The following NELL1 variants were observed in gnomAD, a reference collection of about 807,000 sequenced individuals.
NELL1 encodes the protein neural EGFL like 1.
NELL1 carries 76 observed loss-of-function variants against 107.4 expected under a neutral mutation model. The observed-to-expected ratio is 0.71, with a 90% CI of 0.59 to 0.86. The LOEUF is 0.86. Ranked by LOEUF, NELL1 falls within the 40% of genes least tolerant of loss-of-function variation. The probability of loss-of-function intolerance (pLI) is 0.00; values close to 1 mark genes in which losing one functional copy is unlikely to be tolerated. For missense variants in NELL1, 1,024 were observed against 1,005.5 expected, an observed-to-expected ratio of 1.02 and a Z score of -0.25; for synonymous variants, 353 against 341.2, an observed-to-expected ratio of 1.03 and a Z score of -0.38.
chr11:21,282,518 A>C (rs551257549), intron 14 of NELL1, among the ~76,000 whole-genome samples: 2 of 151,438 alleles, frequency 1.3e-5, no homozygotes, highest in African/African-American at 4.8e-5. Context: ...GCAAAAGATC[A>C]GCAATAAGAT....
intron 12 of NELL1, among the ~76,000 whole-genome samples, chr11:20,961,958 A>G (rs1286083670): frequency 2.0e-5 from 3 of 151,704 alleles, no homozygotes; most frequent in East Asian, 3.9e-4. Flanking sequence ...CCTTGTAGGA[A>G]CCCTCTGTTT....
rs76751123 is a variant in NELL1, at chr11:21,503,280, A to G, written c.1646-31094A>G. On this transcript the variant is annotated intron_variant, in intron 15 of 19. Coordinates refer to ENST00000357134, the MANE Select transcript of NELL1 (RefSeq NM_006157.5). The stretch of plus-strand genomic sequence containing the variant: ...TGAAAGAGGCAGGCATAAGTATGAA[A>G]AGAAGTTCAGTGTTATGCTATCTGT... 0.017 allele frequency among the ~76,000 whole-genome samples: 2,546 copies of G among 152,322 alleles called. 196 individuals are homozygous for G. In the East Asian group the frequency reaches 0.26, roughly 16 times the overall value.
chr11:21,135,328 C>A (rs1855721538), intron 13 of NELL1, among the ~76,000 whole-genome samples: 1 of 152,082 alleles, frequency 6.6e-6, no homozygotes, highest in Admixed American at 6.6e-5. Context: ...ATAGACATGT[C>A]CTATGGATGT....
intron 13 of NELL1, among the ~76,000 whole-genome samples, chr11:21,115,742 G>T (rs544775902): frequency 4.6e-4 from 70 of 151,958 alleles, no homozygotes; most frequent in Non-Finnish European, 6.5e-4. Flanking sequence ...TTAGGATGTG[G>T]GGACCACAGA....
At chr11:21,290,381 A>C (rs866913845) in intron 14 of NELL1, among the ~76,000 whole-genome samples, 1 of 125,314 alleles carries the variant, frequency 8.0e-6, no homozygotes, top group East Asian at 2.2e-4. Context: ...AAAATAAATA[A>C]ATAAATAAAA....
intron 10 of NELL1, among the ~76,000 whole-genome samples, chr11:20,946,302 T>G (rs962120399): frequency 6.6e-6 from 1 of 152,134 alleles, no homozygotes; most frequent in Admixed American, 6.5e-5. Flanking sequence ...TTGAGCTTGC[T>G]TCCTGGTTGA....
chr11:20,793,108 G>A (rs1012032147), intron 3 of NELL1, among the ~76,000 whole-genome samples: 3 of 151,980 alleles, frequency 2.0e-5, no homozygotes, highest in Middle Eastern at 3.4e-3. Context: ...GGGCTGAAAA[G>A]TACAAAAAAT....
chr11:21,262,077 G>A (rs185152566), intron 14 of NELL1, among the ~76,000 whole-genome samples: 19 of 151,712 alleles, frequency 1.3e-4, no homozygotes, highest in Admixed American at 9.9e-4. Flanking sequence ...ATAGCTCTTC[G>A]TTCCTCTTGT....
At chr11:21,039,523 A>G (rs907298001) in intron 12 of NELL1, among the ~76,000 whole-genome samples, 1 of 152,128 alleles carries the variant, frequency 6.6e-6, no homozygotes, top group Non-Finnish European at 1.5e-5. Context: ...TTACTCTGTC[A>G]CAGAAAAGTT....
chr11:21,008,565 TG>T (rs1440523523), intron 12 of NELL1, among the ~76,000 whole-genome samples: 1 of 152,062 alleles, frequency 6.6e-6, no homozygotes, highest in African/African-American at 2.4e-5. Context: ...AATGAATGAA[TG>T]GGTAAGTAAT....
intron 17 of NELL1, among the ~76,000 whole-genome samples, chr11:21,566,389 C>G (rs1328954577): frequency 6.6e-6 from 1 of 151,632 alleles, no homozygotes; most frequent in Non-Finnish European, 1.5e-5. Context: ...ACTGACTATT[C>G]CATATTAAAA....
At chr11:20,978,522 T>C (rs558884479) in intron 12 of NELL1, among the ~76,000 whole-genome samples, 1 of 152,276 alleles carries the variant, frequency 6.6e-6, no homozygotes, top group Non-Finnish European at 1.5e-5. Flanking sequence ...TCTTTATGGG[T>C]CCTGAGGGAA....
chr11:20,918,249 A>T lies in NELL1; in HGVS notation c.671A>T (p.Asn224Ile), dbSNP rs1297797132. The T allele has an allele frequency of 6.4e-7, 1 of 1,557,938 alleles. No individual in the cohort carries two copies. The highest frequency in any genetic ancestry group is 2.2e-5 in the East Asian group (1 of 44,570). The change falls in exon 6 of 20, where the codon AAT becomes ATT. Residue 224 changes from asparagine to isoleucine, a missense_variant. By Grantham distance (149) the Asn-to-Ile change is moderately radical. Transcript: ENST00000357134. Reference sequence around the variant, plus strand: ...TATATAACACAGTGTCCAAATCTAAATCACAGTAAGTAGCAACTTAAAGCA... The same window carrying T: ...TATATAACACAGTGTCCAAATCTAATTCACAGTAAGTAGCAACTTAAAGCA... ...NGYITQCPNL[N>I]HTCPTCSDFL...
chr11:21,270,127 T>C (rs1848711853), intron 14 of NELL1, among the ~76,000 whole-genome samples: 1 of 151,908 alleles, frequency 6.6e-6, no homozygotes, highest in Admixed American at 6.6e-5. Context: ...AAGACAAAGA[T>C]TGGAAGACTA....
chr11:21,458,709 A>T (rs548758793), intron 15 of NELL1, among the ~76,000 whole-genome samples: 1 of 152,288 alleles, frequency 6.6e-6, no homozygotes, highest in East Asian at 1.9e-4. Flanking sequence ...ACATTAGAAA[A>T]CTGAGCAATG....
chr11:21,434,245 C>A (rs1280482243), intron 15 of NELL1, among the ~76,000 whole-genome samples: 1 of 152,138 alleles, frequency 6.6e-6, no homozygotes, highest in African/African-American at 2.4e-5. Flanking sequence ...CTTCTAAAAT[C>A]TTACCCATAA....
chr11:20,693,171 T>A (rs1854515933), intron 2 of NELL1, among the ~76,000 whole-genome samples: 1 of 151,866 alleles, frequency 6.6e-6, no homozygotes, highest in African/African-American at 2.4e-5. Flanking sequence ...ATTTTGAGCC[T>A]ATGTGTGTCT....
intron 13 of NELL1, among the ~76,000 whole-genome samples, chr11:21,173,478 T>C (rs1192174796): frequency 6.6e-6 from 1 of 151,834 alleles, no homozygotes; most frequent in Non-Finnish European, 1.5e-5. Flanking sequence ...ATCAGAACAC[T>C]CTTAAACTTT....
rs551902271 is a variant in NELL1 at position 21,289,684 on chromosome 11, G to C, written c.1549+60230G>C. Among the ~76,000 whole-genome samples the C allele has an allele frequency of 9.2e-5, 14 of 152,256 alleles. No homozygotes were observed. In the South Asian group the frequency reaches 2.9e-3, roughly 32 times the overall value. On this transcript the variant is annotated intron_variant, in intron 14 of 19. Transcript: ENST00000357134. ...AGAACCATTCACTCTCCTGGAAAAG[G>C]CTGAAGCCAGGGAGCCAGGTGGTCT... is the stretch of plus-strand genomic sequence containing the variant.
Sources: gnomAD v4.1 joint callset for allele counts (sites outside exome capture counted in the v4.1 genomes callset) on GRCh38, gnomAD v4.1.1 for gene constraint, MANE v1.5 for transcripts, NCBI Gene and HGNC (gene_info 2026-07-23, HGNC 2026-07-21) for gene names.